GOLPH3L: variants seen among roughly 807,000 people sequenced by gnomAD.
GOLPH3L encodes golgi phosphoprotein 3 like.
GOLPH3L carries 22 observed loss-of-function variants against 30.3 expected under a neutral mutation model. The observed-to-expected ratio is 0.73, with a 90% CI of 0.52 to 1.04. The LOEUF (loss-of-function observed/expected upper bound fraction) is 1.04, where lower values mean the gene tolerates loss of function less well. GOLPH3L is among the 50% of genes least tolerant of loss of function. GOLPH3L has a pLI of 0.00. For missense variants in GOLPH3L, 303 were observed against 345.8 expected (o/e 0.88, Z 0.98); for synonymous variants, 120 against 128.2 (o/e 0.94, Z 0.43).
intron 4 of GOLPH3L, among the ~76,000 whole-genome samples, chr1:150,655,691 T>A (rs1650222397): frequency 1.3e-5 from 2 of 152,172 alleles, no homozygotes; most frequent in African/African-American, 2.4e-5. Flanking sequence ...TTTAAAGGAC[T>A]TCGTTAATGA....
In GOLPH3L at chr1:150,694,865, G is replaced by GAAAAA; in HGVS notation, c.-12-20_-12-16dup. 3 of 1,392,592 alleles carry GAAAAA rather than the reference G, an allele frequency of 2.2e-6. No individual in the cohort carries two copies. Among genetic ancestry groups the GAAAAA allele is most frequent in the African/African-American group, 3.0e-5 (2 of 66,948 alleles). The allele number at this position is 1,392,592 out of a possible 1,614,324, so 86.3% of individuals were successfully genotyped here. ...CTCACCTGTTTCTGGAGGGAGTGGT[G>GAAAAA]AAAAAAAAAATCCATATGTATGCTT... On this transcript the variant is annotated splice_polypyrimidine_tract_variant and intron_variant, in intron 1 of 4. Coordinates refer to ENST00000271732, the MANE Select transcript of GOLPH3L (RefSeq NM_018178.6).
At chr1:150,673,795 G>A (rs1347482641) in intron 2 of GOLPH3L, among the ~76,000 whole-genome samples, 1 of 150,824 alleles carries the variant, frequency 6.6e-6, no homozygotes, top group Non-Finnish European at 1.5e-5. Context: ...CTGGCCGGGT[G>A]CGTCTGTGGG....
intron 3 of GOLPH3L, 128 bp downstream of exon 3, chr1:150,663,504 T>C (rs1650421718): frequency 2.4e-6 from 2 of 819,350 alleles, no homozygotes; most frequent in Non-Finnish European, 3.8e-6. Flanking sequence ...TTAACCTGTT[T>C]AGACAATGGA....
chr1:150,667,679 C>T (rs1650540384), intron 2 of GOLPH3L, among the ~76,000 whole-genome samples: 1 of 151,422 alleles, frequency 6.6e-6, no homozygotes, highest in East Asian at 1.9e-4. Context: ...CTGTAAGCTC[C>T]ACCTGCCGGG....
intron 2 of GOLPH3L, 66 bp from the exon 3 acceptor site, chr1:150,663,829 CT>C: frequency 1.4e-6 from 2 of 1,404,522 alleles, no homozygotes; most frequent in Admixed American, 3.5e-5. Flanking sequence ...AGCAGGCACC[CT>C]AAGAACAGGC....
intron 2 of GOLPH3L, among the ~76,000 whole-genome samples, chr1:150,691,447 C>T (rs1651210452): frequency 6.6e-6 from 1 of 151,952 alleles, no homozygotes; most frequent in African/African-American, 2.4e-5. Context: ...ACTCGGGAGG[C>T]GCAGGTTGCA....
At chr1:150,663,825 C>T (rs933099782) in intron 2 of GOLPH3L, 62 bp from the exon 3 acceptor site, 70 of 1,479,180 alleles carry the variant, frequency 4.7e-5, no homozygotes, top group Non-Finnish European at 6.2e-5. Flanking sequence ...TTCCAGCAGG[C>T]ACCCTAAGAA....
chr1:150,667,404 TC>T (rs1395968103), intron 2 of GOLPH3L, among the ~76,000 whole-genome samples: 1 of 152,094 alleles, frequency 6.6e-6, no homozygotes, highest in Non-Finnish European at 1.5e-5. Flanking sequence ...TATAACTCCC[TC>T]CCCTCATGCT....
intron 2 of GOLPH3L, among the ~76,000 whole-genome samples, chr1:150,672,452 A>ACGGT (rs1199991101): frequency 6.6e-6 from 1 of 152,164 alleles, no homozygotes; most frequent in Non-Finnish European, 1.5e-5. Context: ...TGTATTTGAG[A>ACGGT]CGGAGTCTCA....
intron 3 of GOLPH3L, 85 bp downstream of exon 3, chr1:150,663,546 AC>A: frequency 8.2e-7 from 1 of 1,213,038 alleles, no homozygotes; most frequent in Admixed American, 2.2e-5. Context: ...ATTTTATCTT[AC>A]TACTCAAATC....
intron 2 of GOLPH3L, chr1:150,694,123 T>C (rs1557791624): frequency 2.3e-6 from 1 of 443,700 alleles, no homozygotes; most frequent in South Asian, 1.6e-5. Flanking sequence ...CTCCCCAAAG[T>C]GCTGGGATTA....
intron 2 of GOLPH3L, among the ~76,000 whole-genome samples, chr1:150,669,042 C>T (rs964214823): frequency 6.6e-6 from 1 of 152,104 alleles, no homozygotes; most frequent in African/African-American, 2.4e-5. Flanking sequence ...GTCACACTTT[C>T]CTATTGTAGC....
At chr1:150,651,366 C>T (rs948932674) in intron 4 of GOLPH3L, among the ~76,000 whole-genome samples, 1 of 151,344 alleles carries the variant, frequency 6.6e-6, no homozygotes, top group African/African-American at 2.4e-5. Context: ...AAAAGTACAA[C>T]AGACTGGGCA....
chr1:150,696,520 T>C (rs1651359679), intron 1 of GOLPH3L, among the ~76,000 whole-genome samples: 1 of 152,212 alleles, frequency 6.6e-6, no homozygotes, highest in South Asian at 2.1e-4. Flanking sequence ...GTCTTTAACA[T>C]TGTTATTGCT....
chr1:150,658,804 A>G (rs990232679), intron 4 of GOLPH3L, among the ~76,000 whole-genome samples: 6 of 152,188 alleles, frequency 3.9e-5, no homozygotes, highest in African/African-American at 1.2e-4. Flanking sequence ...TGGCACCTCA[A>G]TCTCAAATGA....
At chr1:150,688,703 AT>A (rs1287522874) in intron 2 of GOLPH3L, among the ~76,000 whole-genome samples, 1 of 152,162 alleles carries the variant, frequency 6.6e-6, no homozygotes, top group Non-Finnish European at 1.5e-5. Context: ...GTGAGCCAAG[AT>A]CACGCCACTG....
At position 150,646,902 on chromosome 1, in the gene GOLPH3L, G is replaced by C. The variant is rs1173979428; in HGVS notation, c.*1419C>G. On this transcript the variant is annotated 3_prime_UTR_variant, in exon 5 of 5. Coordinates refer to ENST00000271732, the MANE Select transcript of GOLPH3L (RefSeq NM_018178.6). ...TCAGCATGCTTTCAATACCAAATTA[G>C]CCCTTTAAATAGGATCTTTCTTAAT... 2 of 152,074 alleles carry C rather than the reference G, an allele frequency of 1.3e-5. No homozygotes were observed. The highest frequency in any genetic ancestry group is 2.9e-5 in the Non-Finnish European group (2 of 68,020). The allele number at this position is 152,074 out of a possible 1,614,324, so 9.4% of individuals were successfully genotyped here. A position where few individuals can be genotyped will look rare whatever the true frequency, so the allele number is the denominator to read the frequency against.
At chr1:150,680,824 A>C (rs1057308999) in intron 2 of GOLPH3L, among the ~76,000 whole-genome samples, 5 of 152,316 alleles carry the variant, frequency 3.3e-5, no homozygotes, top group Non-Finnish European at 5.9e-5. Context: ...TTTATTGAGC[A>C]TTTACATGTG....
intron 4 of GOLPH3L, among the ~76,000 whole-genome samples, chr1:150,656,450 G>A (rs936647985): frequency 6.6e-5 from 10 of 152,086 alleles, no homozygotes; most frequent in African/African-American, 9.6e-5. Flanking sequence ...ACTAGCCCTC[G>A]GCAATTAACA....
Sources: gnomAD v4.1 joint callset for allele counts (sites outside exome capture counted in the v4.1 genomes callset) on GRCh38, gnomAD v4.1.1 for gene constraint, MANE v1.5 for transcripts, NCBI Gene and HGNC (gene_info 2026-07-23, HGNC 2026-07-21) for gene names.